Variants in FRYL observed in about 807,000 individuals in gnomAD.
The protein encoded by FRYL is FRY like transcription coactivator.
A neutral mutation model predicts 351.2 loss-of-function variants in FRYL; 150 were observed. The observed-to-expected ratio is 0.43, with a 90% CI of 0.37 to 0.49. FRYL has a LOEUF of 0.49. FRYL is among the 20% of genes least tolerant of loss of function. The pLI, the probability that FRYL is intolerant of heterozygous loss-of-function variation, is 0.00. For synonymous variants in FRYL, 1,153 were observed against 1,257.1 expected (o/e 0.92, Z 1.75); for missense variants, 3,036 against 3,619.3 (o/e 0.84, Z 4.13).
chr4:48,541,886 C>T (rs758771238), intron 45 of FRYL, 141 bp downstream of exon 45: 29 of 615,650 alleles, frequency 4.7e-5, no homozygotes, highest in Admixed American at 1.1e-4. Flanking sequence ...TCACTGTCTG[C>T]GGCCCATCTC....
At position 48,741,689 on chromosome 4, in the gene FRYL, C is replaced by G. The variant is rs549593581; in HGVS notation, c.-383-30991G>C. On this transcript the variant is annotated intron_variant, in intron 1 of 63. Coordinates refer to ENST00000358350, the MANE Select transcript of FRYL (RefSeq NM_015030.2). ...CCATCCCAGGCGACAGAGCAAGACC[C>G]TCTCTCAAAATAATAATAATAATAA... 6.6e-5 allele frequency among the ~76,000 whole-genome samples: 10 copies of G among 152,080 alleles called. No homozygotes were observed. The South Asian group carries it at 1.9e-3, about 29-fold the overall frequency.
chr4:48,521,587 G>T (rs756706380), intron 54 of FRYL, among the ~76,000 whole-genome samples: 79 of 152,210 alleles, frequency 5.2e-4, no homozygotes, highest in Non-Finnish European at 8.8e-4. Flanking sequence ...CAGACTGCTT[G>T]ATTCACATCT....
chr4:48,641,028 G>A (rs1755212128), intron 3 of FRYL, among the ~76,000 whole-genome samples: 2 of 152,104 alleles, frequency 1.3e-5, no homozygotes, highest in Admixed American at 1.3e-4. Flanking sequence ...TAAAAGTAGT[G>A]AACAGAAAAA....
intron 1 of FRYL, among the ~76,000 whole-genome samples, chr4:48,764,388 G>A (rs1212212042): frequency 1.3e-5 from 2 of 151,740 alleles, no homozygotes; most frequent in East Asian, 3.9e-4. Flanking sequence ...AAGGTTAGCC[G>A]GGTATGATGG....
intron 1 of FRYL, among the ~76,000 whole-genome samples, chr4:48,715,534 G>C (rs1168083800): frequency 6.6e-6 from 1 of 151,210 alleles, no homozygotes; most frequent in Non-Finnish European, 1.5e-5. Flanking sequence ...TTGCTTCAAA[G>C]AGAATAAAAT....
At chr4:48,763,302 A>C (rs1367672950) in intron 1 of FRYL, among the ~76,000 whole-genome samples, 1 of 151,710 alleles carries the variant, frequency 6.6e-6, no homozygotes, top group Non-Finnish European at 1.5e-5. Flanking sequence ...TCTCCAAAAA[A>C]AATTTAAAAC....
rs113092957 is a variant in FRYL at position 48,780,193 on chromosome 4, C to T, written c.-499G>A. ...CGTCCCCTTTAAGGAATAATCCGAT[C>T]GGAACCGATCTGTGGTTAAACCTCC... On this transcript the variant is annotated 5_prime_UTR_variant, in exon 1 of 64. Transcript: ENST00000358350. 592 of 152,860 alleles carry T rather than the reference C, an allele frequency of 3.9e-3. 6 individuals carry two copies. Among genetic ancestry groups the T allele is most frequent in the African/African-American group, 0.014 (570 of 41,574 alleles). 9.5% of individuals were successfully genotyped at this position (152,860 alleles called of 1,614,324 possible).
At chr4:48,585,652 C>CT (rs1262983574) in intron 19 of FRYL, among the ~76,000 whole-genome samples, 2 of 152,180 alleles carry the variant, frequency 1.3e-5, no homozygotes, top group Non-Finnish European at 2.9e-5. Context: ...TCTATGGCTG[C>CT]TTTTGTACTA....
At chr4:48,536,898 A>G (rs1193099149) in intron 47 of FRYL, among the ~76,000 whole-genome samples, 1 of 152,176 alleles carries the variant, frequency 6.6e-6, no homozygotes, top group East Asian at 1.9e-4. Flanking sequence ...TTTGGACATT[A>G]TCATGGAACA....
intron 46 of FRYL, 56 bp from the exon 47 acceptor site, chr4:48,540,124 A>T: frequency 7.2e-7 from 1 of 1,380,576 alleles, no homozygotes. Flanking sequence ...TTATTTTAAA[A>T]GTTAAAGTTA....
intron 9 of FRYL, among the ~76,000 whole-genome samples, chr4:48,606,846 C>T (rs1454188196): frequency 1.3e-5 from 2 of 151,878 alleles, no homozygotes; most frequent in East Asian, 3.9e-4. Context: ...TTCTTTATTC[C>T]TATAATATTA....
chr4:48,538,706 GA>G (rs1406376780), intron 47 of FRYL, among the ~76,000 whole-genome samples: 2 of 151,280 alleles, frequency 1.3e-5, no homozygotes, highest in Non-Finnish European at 2.9e-5. Context: ...CTCTTCTGTA[GA>G]AAAAAACTTC....
At chr4:48,561,243 G>C (rs1163640141) in intron 33 of FRYL, among the ~76,000 whole-genome samples, 1 of 152,152 alleles carries the variant, frequency 6.6e-6, no homozygotes, top group Non-Finnish European at 1.5e-5. Flanking sequence ...AGGGAGCGAA[G>C]GGAAGGTCAG....
Position 48,565,698 on chromosome 4 carries a change from A to C in FRYL, c.3170-7T>G, listed in dbSNP as rs1736610357. ...ATACTTCTTCTCTGGTGCACTGTGA[A>C]TAAAAAAAGATAGAAAACATTTATT... is the stretch of plus-strand genomic sequence containing the variant. On this transcript the variant is annotated splice_region_variant and splice_polypyrimidine_tract_variant and intron_variant, in intron 28 of 63. Coordinates refer to ENST00000358350, the MANE Select transcript of FRYL (RefSeq NM_015030.2). 6.3e-7 allele frequency: 1 copy of C among 1,597,678 alleles called. No individual in the cohort carries two copies. Among genetic ancestry groups the C allele is most frequent in the Non-Finnish European group, 8.5e-7 (1 of 1,175,916 alleles).
rs767269182 is a variant in FRYL at position 48,542,094 on chromosome 4, A to G, written c.5620T>C (p.Leu1874=). The change falls in exon 45 of 64, where the codon TTG becomes CTG. Residue 1874 remains leucine (L), a synonymous_variant. Coordinates refer to ENST00000358350, the MANE Select transcript of FRYL (RefSeq NM_015030.2). ...QGFVIELLLT[L]ESAIDTLAET... ...GCCAAAGTATCAATTGCAGATTCCA[A>G]TGTGAGAAGAAGCTCAATCACAAAT... 1 of 1,613,604 alleles carries G rather than the reference A, an allele frequency of 6.2e-7. No individual in the cohort carries two copies. Among genetic ancestry groups the G allele is most frequent in the East Asian group, 2.2e-5 (1 of 44,870 alleles).
chr4:48,557,424 A>T (rs778990371), intron 34 of FRYL, 29 bp downstream of exon 34: 2 of 1,611,022 alleles, frequency 1.2e-6, no homozygotes, highest in Non-Finnish European at 1.7e-6. Context: ...AATTCTGTGC[A>T]GCAATTATAA....
chr4:48,710,982 A>G (rs1767931057), intron 1 of FRYL, among the ~76,000 whole-genome samples: 1 of 152,250 alleles, frequency 6.6e-6, no homozygotes, highest in African/African-American at 2.4e-5. Context: ...AAAATGTGGT[A>G]TACCCACAAT....
intron 3 of FRYL, among the ~76,000 whole-genome samples, chr4:48,639,974 G>A (rs1011650695): frequency 2.0e-5 from 3 of 152,122 alleles, no homozygotes; most frequent in Non-Finnish European, 4.4e-5. Context: ...ACTACATGCT[G>A]ATTAGAATGA....
Position 48,581,591 on chromosome 4 carries a change from A to G in FRYL, c.2001T>C (p.Asn667=). Residue 667 remains asparagine, a synonymous_variant, in exon 21 of 64, where the codon AAT becomes AAC. Coordinates refer to ENST00000358350, the MANE Select transcript of FRYL (RefSeq NM_015030.2). ...KNQDTQHGVA[N]GASHPPPLER... ...CCAGAGGAGGGGGATGAGAAGCTCC[A>G]TTAGCTACACCATGCTTGAAAAACA... 1 of 1,608,422 alleles carries G rather than the reference A, an allele frequency of 6.2e-7. No individual in the cohort carries two copies. Among genetic ancestry groups the G allele is most frequent in the Non-Finnish European group, 8.5e-7 (1 of 1,178,056 alleles).
Sources: allele counts gnomAD v4.1 joint callset (sites outside exome capture counted in the v4.1 genomes callset), GRCh38; gene constraint gnomAD v4.1.1; transcripts MANE v1.5; gene names NCBI Gene and HGNC (gene_info 2026-07-23, HGNC 2026-07-21).